SVIL: variants seen among roughly 807,000 people sequenced by gnomAD.
SVIL encodes the protein supervillin.
A neutral mutation model predicts 240.4 loss-of-function variants in SVIL; 101 were observed. That is an observed-to-expected ratio of 0.42 (90% confidence interval 0.36 to 0.50). The LOEUF is 0.50. SVIL is among the 20% of genes least tolerant of loss of function. The pLI, the probability that SVIL is intolerant of heterozygous loss-of-function variation, is 0.01. For synonymous variants in SVIL, 999 were observed against 1,100.0 expected (o/e 0.91, Z 1.82); for missense variants, 2,512 against 2,818.7 (o/e 0.89, Z 2.46).
chr10:29,660,586 C>T (rs1008984171), intron 2 of SVIL, among the ~76,000 whole-genome samples: 5 of 151,966 alleles, frequency 3.3e-5, no homozygotes, highest in African/African-American at 1.2e-4. Flanking sequence ...CCAGCCTAGG[C>T]CACAGAGCAA....
chr10:29,467,013 C>T (rs34651648), intron 33 of SVIL, among the ~76,000 whole-genome samples: 12,622 of 151,894 alleles, frequency 0.083, 541 homozygotes, highest in Admixed American at 0.12. Context: ...TCAGTTTCCT[C>T]ATCTGTAAAA....
intron 1 of SVIL, among the ~76,000 whole-genome samples, chr10:29,707,472 T>C (rs181616202): frequency 2.0e-5 from 3 of 152,268 alleles, no homozygotes; most frequent in Admixed American, 6.5e-5. Context: ...ATGCTTGTGA[T>C]TTTTGCATAT....
intron 1 of SVIL, among the ~76,000 whole-genome samples, chr10:29,583,878 T>G (rs568773294): frequency 6.6e-6 from 1 of 152,322 alleles, no homozygotes; most frequent in Admixed American, 6.5e-5. Flanking sequence ...GTGTAACATC[T>G]GATTAAGCAA....
At chr10:29,534,540 C>T (rs1196963668) in intron 7 of SVIL, among the ~76,000 whole-genome samples, 1 of 152,158 alleles carries the variant, frequency 6.6e-6, no homozygotes, top group Non-Finnish European at 1.5e-5. Flanking sequence ...AGAGAGATTG[C>T]TCCAGTTGTT....
intron 1 of SVIL, among the ~76,000 whole-genome samples, chr10:29,700,124 C>T (rs1373822480): frequency 6.6e-6 from 1 of 152,170 alleles, no homozygotes; most frequent in Non-Finnish European, 1.5e-5. Context: ...AAAGTGTAGG[C>T]TTCTACAGCA....
At chr10:29,680,918 CA>C (rs10714685) in intron 2 of SVIL, among the ~76,000 whole-genome samples, 40,605 of 146,726 alleles carry the variant, frequency 0.28, 5,499 homozygotes, top group East Asian at 0.37. Flanking sequence ...GACTCCATCT[CA>C]AAAAAAAAAA....
intron 1 of SVIL, among the ~76,000 whole-genome samples, chr10:29,586,400 TGCCCACTAA>T (rs1246004643): frequency 6.6e-6 from 1 of 152,188 alleles, no homozygotes; most frequent in Non-Finnish European, 1.5e-5. Context: ...CACTAGTGAT[TGCCCACTAA>T]GCCCTAGATA....
At chr10:29,498,995 A>G in intron 18 of SVIL, 121 bp downstream of exon 18, 2 of 1,412,750 alleles carry the variant, frequency 1.4e-6, no homozygotes, top group Non-Finnish European at 1.9e-6. Context: ...AAAAAACTTA[A>G]AAAGACCATG....
chr10:29,491,339 C>A (rs1164919220), intron 21 of SVIL, among the ~76,000 whole-genome samples: 1 of 63,334 alleles, frequency 1.6e-5, no homozygotes, highest in Non-Finnish European at 2.5e-5. Flanking sequence ...GCTCTTCCCT[C>A]CCCCCTACCA....
At chr10:29,492,271 C>G (rs1050884541) in intron 21 of SVIL, among the ~76,000 whole-genome samples, 3 of 152,030 alleles carry the variant, frequency 2.0e-5, no homozygotes, top group Non-Finnish European at 4.4e-5. Flanking sequence ...CCAAGAAAAT[C>G]AAACCTGGAA....
chr10:29,636,857 AGAGGTGTGCAATCAT>A (rs1330586853), upstream of SVIL, among the ~76,000 whole-genome samples: 1 of 152,118 alleles, frequency 6.6e-6, no homozygotes, highest in Non-Finnish European at 1.5e-5. Flanking sequence ...AGGCTGGAGT[AGAGGTGTGCAATCAT>A]GGCTCACTGC....
chr10:29,511,850 C>T (rs940598291), intron 17 of SVIL, among the ~76,000 whole-genome samples: 7 of 152,140 alleles, frequency 4.6e-5, no homozygotes, highest in African/African-American at 9.7e-5. Flanking sequence ...TTTTTATGTA[C>T]GTTTCTTAAT....
At chr10:29,728,505 C>A (rs1014902654) in intron 1 of SVIL, among the ~76,000 whole-genome samples, 3 of 151,738 alleles carry the variant, frequency 2.0e-5, no homozygotes, top group African/African-American at 7.3e-5. Flanking sequence ...AGGTGACAGC[C>A]AAATGAGATT....
At chr10:29,620,968 A>AT (rs1189729558) in intron 1 of SVIL, among the ~76,000 whole-genome samples, 5,968 of 140,660 alleles carry the variant, frequency 0.042, 141 homozygotes, top group Non-Finnish European at 0.05. Flanking sequence ...TATTCTTAAA[A>AT]TTTTTTTTTT....
At chr10:29,673,996 G>A (rs1330840855) in intron 2 of SVIL, among the ~76,000 whole-genome samples, 1 of 152,074 alleles carries the variant, frequency 6.6e-6, no homozygotes, top group African/African-American at 2.4e-5. Context: ...TCTATAACAA[G>A]AGCCTCAATT....
At chr10:29,460,780 C>T (rs943619499) in intron 36 of SVIL, among the ~76,000 whole-genome samples, 2 of 152,150 alleles carry the variant, frequency 1.3e-5, no homozygotes, top group Admixed American at 6.5e-5. Context: ...ATGGTGTGTG[C>T]TTGTAGTCCC....
rs1383423284 is a variant in SVIL, at chr10:29,490,678, T to TA, written c.4192+168dup. On this transcript the variant is annotated intron_variant, in intron 22 of 37. Transcript: ENST00000355867. ...TTTGAGAATTTCTATGAAAAATCTT[T>TA]AAAGTCTAGGTGCGTGCACATGTAT... is the stretch of plus-strand genomic sequence containing the variant. 8.5e-5 allele frequency among the ~76,000 whole-genome samples: 13 copies of TA among 152,172 alleles called. 1 individual carries two copies. Among genetic ancestry groups the TA allele is most frequent in the Admixed American group, 7.9e-4 (12 of 15,280 alleles).
intron 1 of SVIL, among the ~76,000 whole-genome samples, chr10:29,581,865 T>C (rs962027102): frequency 6.6e-6 from 1 of 152,236 alleles, no homozygotes; most frequent in African/African-American, 2.4e-5. Flanking sequence ...ATACATATGA[T>C]GGAATATTAT....
At chr10:29,474,034 C>T in intron 29 of SVIL, 45 bp from the exon 30 acceptor site, 2 of 1,596,508 alleles carry the variant, frequency 1.3e-6, no homozygotes, top group South Asian at 1.1e-5. Flanking sequence ...AGCTGAGACA[C>T]CCGAGGAGAA....
Sources: gnomAD v4.1 joint callset for allele counts (sites outside exome capture counted in the v4.1 genomes callset) on GRCh38, gnomAD v4.1.1 for gene constraint, MANE v1.5 for transcripts, NCBI Gene and HGNC (gene_info 2026-07-23, HGNC 2026-07-21) for gene names.